PALM2AKAP2: variants seen among roughly 807,000 people sequenced by gnomAD.
The protein encoded by PALM2AKAP2 is PALM2-AKAP2 fusion protein.
A neutral mutation model predicts 71.5 loss-of-function variants in PALM2AKAP2; 37 were observed. The observed-to-expected ratio is 0.52, with a 90% CI of 0.40 to 0.68. The LOEUF is 0.68. PALM2AKAP2 is among the 30% of genes least tolerant of loss of function. The pLI is 0.00. For synonymous variants in PALM2AKAP2, 468 were observed against 478.8 expected (o/e 0.98, Z 0.29); for missense variants, 1,224 against 1,191.8 (o/e 1.03, Z -0.40).
intron 1 of PALM2AKAP2, among the ~76,000 whole-genome samples, chr9:109,668,303 T>C (rs1049054584): frequency 1.3e-5 from 2 of 152,214 alleles, no homozygotes; most frequent in Non-Finnish European, 2.9e-5. Flanking sequence ...AGATGGAAAC[T>C]CACTACTAAT....
chr9:110,109,603 G>C (rs555592276), intron 1 of PALM2AKAP2, among the ~76,000 whole-genome samples: 1 of 152,136 alleles, frequency 6.6e-6, no homozygotes, highest in Non-Finnish European at 1.5e-5. Context: ...CTAGAACTAC[G>C]TGCAAGGGGT....
chr9:109,761,312 G>A (rs1399948955), intron 1 of PALM2AKAP2, among the ~76,000 whole-genome samples: 1 of 152,162 alleles, frequency 6.6e-6, no homozygotes, highest in Non-Finnish European at 1.5e-5. Context: ...AATTATAACA[G>A]TATCTATTAC....
At chr9:109,855,015 G>A (rs576034042) in intron 1 of PALM2AKAP2, among the ~76,000 whole-genome samples, 7 of 151,904 alleles carry the variant, frequency 4.6e-5, no homozygotes, top group Admixed American at 3.3e-4. Context: ...TGATCTGCCC[G>A]CCTCGGCCCC....
At chr9:110,028,691 G>A (rs1254960327) in intron 7 of PALM2AKAP2, among the ~76,000 whole-genome samples, 1 of 152,122 alleles carries the variant, frequency 6.6e-6, no homozygotes, top group African/African-American at 2.4e-5. Flanking sequence ...GAGCTCCAAT[G>A]ACAGGGCAAG....
chr9:110,168,514 G>A (rs1406570436), exon 4 of PALM2AKAP2: 3 of 1,613,448 alleles, frequency 1.9e-6, no homozygotes, highest in Non-Finnish European at 2.5e-6. Flanking sequence ...TTCAACCCAG[G>A]AAGCGTCTTT....
chr9:110,107,664 T>A (rs946993027), intron 1 of PALM2AKAP2, among the ~76,000 whole-genome samples: 2 of 152,200 alleles, frequency 1.3e-5, no homozygotes, highest in African/African-American at 4.8e-5. Context: ...CCTCCCGGGT[T>A]CAAGCGATTC....
upstream of PALM2AKAP2, among the ~76,000 whole-genome samples, chr9:110,043,808 C>T (rs541086108): frequency 8.7e-5 from 12 of 138,486 alleles, no homozygotes; most frequent in South Asian, 2.7e-3. Context: ...GTAGCCTTGA[C>T]CTCCTGGGTC....
At chr9:110,036,717 C>T (rs1043899001) in intron 7 of PALM2AKAP2, among the ~76,000 whole-genome samples, 3 of 152,120 alleles carry the variant, frequency 2.0e-5, no homozygotes, top group Non-Finnish European at 4.4e-5. Context: ...TTTGCAAGGA[C>T]CTTAGGATCT....
At chr9:109,791,247 TGAA>T (rs1381149215) in intron 1 of PALM2AKAP2, among the ~76,000 whole-genome samples, 2 of 152,166 alleles carry the variant, frequency 1.3e-5, no homozygotes, top group Non-Finnish European at 1.5e-5. Flanking sequence ...TGAGGGAGAA[TGAA>T]GAGAAAATAT....
In PALM2AKAP2 at chr9:110,156,169, T is replaced by C. The variant is rs1443482718; in HGVS notation, c.2570-150T>C. The C allele has an allele frequency of 5.1e-6, 6 of 1,171,186 alleles. No individual in the cohort carries two copies. In the African/African-American group the frequency reaches 7.8e-5, roughly 15 times the overall value. 72.5% of individuals were successfully genotyped at this position (1,171,186 alleles called of 1,614,324 possible). On this transcript the variant is annotated intron_variant, in intron 2 of 3. Coordinates refer to ENST00000374525, the Ensembl canonical transcript of PALM2AKAP2. Reference sequence around the variant, plus strand: ...CATTAACCTTAAGTGCTTTGATCCCTGTAATATAATAAAATGGCCTACACT... The same window carrying C: ...CATTAACCTTAAGTGCTTTGATCCCCGTAATATAATAAAATGGCCTACACT...
At chr9:109,830,331 T>G (rs1333718089) in intron 1 of PALM2AKAP2, among the ~76,000 whole-genome samples, 2 of 152,176 alleles carry the variant, frequency 1.3e-5, no homozygotes, top group Non-Finnish European at 2.9e-5. Flanking sequence ...GACCATAGGG[T>G]CAGCAGGCTT....
chr9:109,868,408 T>G (rs1829516061), intron 2 of PALM2AKAP2, among the ~76,000 whole-genome samples: 1 of 152,202 alleles, frequency 6.6e-6, no homozygotes, highest in Non-Finnish European at 1.5e-5. Context: ...CCTGGGCTTT[T>G]TGGCAGGAAA....
intron 1 of PALM2AKAP2, among the ~76,000 whole-genome samples, chr9:110,130,515 A>G (rs1193675678): frequency 6.6e-6 from 1 of 152,258 alleles, no homozygotes; most frequent in Non-Finnish European, 1.5e-5. Context: ...CCTGGCTACC[A>G]GGTTATGTTA....
intron 1 of PALM2AKAP2, among the ~76,000 whole-genome samples, chr9:110,049,904 G>A (rs1173967011): frequency 6.6e-6 from 1 of 152,210 alleles, no homozygotes; most frequent in Non-Finnish European, 1.5e-5. Context: ...CCAGGCGCTC[G>A]CCAGCCTGAG....
intron 6 of PALM2AKAP2, among the ~76,000 whole-genome samples, chr9:109,974,277 G>C (rs1832127179): frequency 6.6e-6 from 1 of 152,218 alleles, no homozygotes; most frequent in African/African-American, 2.4e-5. Flanking sequence ...ACTCACAAGA[G>C]TTCAATGCCG....
chr9:110,034,189 C>T (rs1353208861), intron 7 of PALM2AKAP2, among the ~76,000 whole-genome samples: 1 of 152,182 alleles, frequency 6.6e-6, no homozygotes, highest in African/African-American at 2.4e-5. Flanking sequence ...TGGAGTTTCA[C>T]TCCTGTTGCC....
intron 3 of PALM2AKAP2, among the ~76,000 whole-genome samples, chr9:109,902,833 A>T (rs118133856): frequency 1.3e-5 from 2 of 152,192 alleles, no homozygotes; most frequent in African/African-American, 2.4e-5. Flanking sequence ...TGTGGAACAC[A>T]TCTATGCCCT....
chr9:110,054,173 G>C (rs1380006550), intron 1 of PALM2AKAP2, among the ~76,000 whole-genome samples: 1 of 152,262 alleles, frequency 6.6e-6, no homozygotes, highest in Non-Finnish European at 1.5e-5. Flanking sequence ...GCCGAGGTGG[G>C]TGAATCACCT....
At chr9:109,942,821 T>A (rs1472065699) in intron 6 of PALM2AKAP2, 2 of 1,613,890 alleles carry the variant, frequency 1.2e-6, no homozygotes, top group Non-Finnish European at 1.7e-6. Context: ...ACCAAAGTAG[T>A]GTATGAGGTG....
Sources: allele counts gnomAD v4.1 joint callset (sites outside exome capture counted in the v4.1 genomes callset), GRCh38; gene constraint gnomAD v4.1.1; transcripts MANE v1.5; gene names NCBI Gene and HGNC (gene_info 2026-07-23, HGNC 2026-07-21).